GOLIM4: variants seen among roughly 807,000 people sequenced by gnomAD.
GOLIM4 encodes the protein 130 kDa golgi-localized phosphoprotein.
A neutral mutation model predicts 107.4 loss-of-function variants in GOLIM4; 71 were observed. The observed-to-expected ratio is 0.66, with a 90% CI of 0.55 to 0.81. The LOEUF is 0.81. Ranked by LOEUF, GOLIM4 falls within the 30% of genes least tolerant of loss-of-function variation. The probability of loss-of-function intolerance (pLI) is 0.00; values close to 1 mark genes in which losing one functional copy is unlikely to be tolerated. For missense variants in GOLIM4, 830 were observed against 826.1 expected, an observed-to-expected ratio of 1.00 and a Z score of -0.06; for synonymous variants, 327 against 294.8, an observed-to-expected ratio of 1.11 and a Z score of -1.12.
At chr3:168,066,397 A>G (rs1720548485) in intron 1 of GOLIM4, among the ~76,000 whole-genome samples, 1 of 152,160 alleles carries the variant, frequency 6.6e-6, no homozygotes, top group Non-Finnish European at 1.5e-5. Context: ...TAAAACTATA[A>G]CTATCCTTTT....
chr3:168,075,566 G>A (rs1721044929), intron 1 of GOLIM4, among the ~76,000 whole-genome samples: 1 of 152,014 alleles, frequency 6.6e-6, no homozygotes, highest in African/African-American at 2.4e-5. Context: ...CCAAAGTGCT[G>A]GGATTACAGC....
chr3:168,029,594 A>G (rs996595168), intron 10 of GOLIM4, among the ~76,000 whole-genome samples, 186 bp downstream of exon 10: 7 of 152,150 alleles, frequency 4.6e-5, no homozygotes, highest in South Asian at 2.1e-4. Context: ...TTTTGAGCAG[A>G]AAAAAAATAT....
At chr3:168,087,382 G>C (rs960345248) in intron 1 of GOLIM4, among the ~76,000 whole-genome samples, 4 of 152,134 alleles carry the variant, frequency 2.6e-5, no homozygotes, top group African/African-American at 9.7e-5. Context: ...CTCTAGGAGA[G>C]AGATTCTAGC....
At chr3:168,040,219 T>C (rs527246861) in intron 7 of GOLIM4, among the ~76,000 whole-genome samples, 5 of 152,328 alleles carry the variant, frequency 3.3e-5, no homozygotes, top group African/African-American at 1.2e-4. Context: ...TCAGTAAATA[T>C]ATACTGAGGG....
intron 1 of GOLIM4, among the ~76,000 whole-genome samples, chr3:168,052,763 T>C (rs1719728748): frequency 6.6e-6 from 1 of 152,186 alleles, no homozygotes. Flanking sequence ...CCTTGTCACC[T>C]ATCTCTATTT....
intron 14 of GOLIM4, among the ~76,000 whole-genome samples, chr3:168,015,937 C>A (rs1308374909): frequency 7.5e-6 from 1 of 132,452 alleles, no homozygotes; most frequent in Non-Finnish European, 1.5e-5. Context: ...CCATAAAAAC[C>A]CTGGAAGAAA....
intron 1 of GOLIM4, among the ~76,000 whole-genome samples, chr3:168,056,743 C>A (rs1283144945): frequency 6.6e-6 from 1 of 152,154 alleles, no homozygotes; most frequent in East Asian, 1.9e-4. Context: ...GCCAATTTCT[C>A]CTATTTGGAA....
At chr3:168,080,308 T>C (rs902146680) in intron 1 of GOLIM4, among the ~76,000 whole-genome samples, 1 of 152,162 alleles carries the variant, frequency 6.6e-6, no homozygotes, top group Non-Finnish European at 1.5e-5. Context: ...AAGTAGAAAG[T>C]AATTGTGCAC....
chr3:168,037,853 ACT>A (rs1386948276), intron 7 of GOLIM4, among the ~76,000 whole-genome samples: 1 of 152,250 alleles, frequency 6.6e-6, no homozygotes, highest in African/African-American at 2.4e-5. Flanking sequence ...ATACACCAAC[ACT>A]GTTATCCTGA....
At chr3:168,031,874 TG>T (rs1325701639) in intron 9 of GOLIM4, among the ~76,000 whole-genome samples, 1 of 152,208 alleles carries the variant, frequency 6.6e-6, no homozygotes, top group Non-Finnish European at 1.5e-5. Context: ...CACTAACTGT[TG>T]GTTTAAAAGA....
rs557263637 is a variant in GOLIM4, at chr3:168,042,576, C to T, written c.517+803G>A. Among the ~76,000 whole-genome samples, 12 of 152,318 alleles carry T rather than the reference C, an allele frequency of 7.9e-5. No individual in the cohort carries two copies. In the East Asian group the frequency reaches 2.3e-3, roughly 29 times the overall value. On this transcript the variant is annotated intron_variant, in intron 5 of 15. Transcript: ENST00000470487. ...GATTACAGGCGTGAGCCACCGTCCC[C>T]GGTTGAAATGGGGAAGACGTGTGTC...
chr3:168,020,684 G>A (rs1361489106), intron 14 of GOLIM4, among the ~76,000 whole-genome samples: 1 of 151,888 alleles, frequency 6.6e-6, no homozygotes, highest in Non-Finnish European at 1.5e-5. Context: ...GACTCTTTAG[G>A]GAACCCACAA....
intron 14 of GOLIM4, among the ~76,000 whole-genome samples, chr3:168,019,111 T>C (rs1156372449): frequency 6.6e-6 from 1 of 152,200 alleles, no homozygotes; most frequent in Admixed American, 6.5e-5. Context: ...ACATATACTA[T>C]GGAGTCAGAA....
At chr3:168,046,819 A>AAT in intron 3 of GOLIM4, 131 bp downstream of exon 3, 1 of 440,096 alleles carries the variant, frequency 2.3e-6, no homozygotes, top group Non-Finnish European at 4.1e-6. Context: ...AAAAAAAAAA[A>AAT]GGGGGTGTCA....
At chr3:168,034,185 C>T (rs1472005042) in intron 8 of GOLIM4, among the ~76,000 whole-genome samples, 1 of 152,200 alleles carries the variant, frequency 6.6e-6, no homozygotes, top group Non-Finnish European at 1.5e-5. Flanking sequence ...GCAAGTTTGA[C>T]ATAATACTGC....
chr3:168,074,734 A>C (rs1161928619), intron 1 of GOLIM4, among the ~76,000 whole-genome samples: 6 of 152,226 alleles, frequency 3.9e-5, no homozygotes, highest in Non-Finnish European at 2.9e-5. Flanking sequence ...TATAGCTGTC[A>C]TATCTAGTAA....
chr3:168,080,153 A>G (rs1349760889), intron 1 of GOLIM4, among the ~76,000 whole-genome samples: 1 of 152,194 alleles, frequency 6.6e-6, no homozygotes, highest in Non-Finnish European at 1.5e-5. Context: ...GAGAAAAAAA[A>G]TATGATTAGA....
chr3:168,035,541 A>T (rs765590462), intron 8 of GOLIM4, among the ~76,000 whole-genome samples: 1 of 152,208 alleles, frequency 6.6e-6, no homozygotes, highest in Non-Finnish European at 1.5e-5. Flanking sequence ...GCAAACCAAC[A>T]CAGGAACAGA....
At chr3:168,040,989 T>C (rs988658111) in intron 6 of GOLIM4, 120 bp from the exon 7 acceptor site, 3 of 662,112 alleles carry the variant, frequency 4.5e-6, no homozygotes, top group African/African-American at 3.6e-5. Flanking sequence ...TGTAGCAGCA[T>C]GTGTTAAGTT....
Sources: allele counts gnomAD v4.1 joint callset (sites outside exome capture counted in the v4.1 genomes callset), GRCh38; gene constraint gnomAD v4.1.1; transcripts MANE v1.5; gene names NCBI Gene and HGNC (gene_info 2026-07-23, HGNC 2026-07-21).